RRM1: variants seen among roughly 807,000 people sequenced by gnomAD.
The protein encoded by RRM1 is ribonucleotide reductase catalytic subunit M1, also known as ribonucleoside-diphosphate reductase large subunit.
In RRM1, 19 loss-of-function variants were observed where a neutral mutation model predicts 101.5. That is an observed-to-expected ratio of 0.19 (90% CI 0.13 to 0.27). The LOEUF (loss-of-function observed/expected upper bound fraction) is 0.27, where lower values mean the gene tolerates loss of function less well. Ranked by LOEUF, RRM1 falls within the 10% of genes least tolerant of loss-of-function variation. RRM1 has a pLI of 1.00. For missense variants in RRM1, 500 were observed against 962.9 expected (o/e 0.52, Z 6.36); for synonymous variants, 298 against 323.4 (o/e 0.92, Z 0.84).
intron 12 of RRM1, 98 bp downstream of exon 12, chr11:4,123,482 G>A (rs1016309313): frequency 2.1e-6 from 2 of 965,776 alleles, no homozygotes; most frequent in South Asian, 1.4e-5. Context: ...ATAAGTGAAG[G>A]GAGTTTGCAT....
At position 4,133,646 on chromosome 11, in the gene RRM1, TG is replaced by T; in HGVS notation, c.1991del (p.Gly664AlafsTer13). ...EMKNQIIACN[G>X]SIQSIPEIPD... Reference sequence around the variant, plus strand: ...TGAAAAACCAGATTATTGCATGCAATGGCTCTATTCAGGTATAGAATGAAAA... The same window carrying T: ...TGAAAAACCAGATTATTGCATGCAATGCTCTATTCAGGTATAGAATGAAAA... On this transcript the variant is annotated frameshift_variant, in exon 17 of 19. Transcript: ENST00000300738. LOFTEE classifies it high-confidence loss of function. 6.2e-7 allele frequency: 1 copy of T among 1,602,720 alleles called. No individual in the cohort carries two copies. Among genetic ancestry groups the T allele is most frequent in the Non-Finnish European group, 8.5e-7 (1 of 1,170,102 alleles).
chr11:4,107,315 C>T (rs375641429), intron 3 of RRM1, 120 bp from the exon 4 acceptor site: 4 of 664,808 alleles, frequency 6.0e-6, no homozygotes, highest in African/African-American at 5.4e-5. Flanking sequence ...ATATGCTAGG[C>T]ATTGAGGTGG....
Position 4,101,987 on chromosome 11 carries a change from C to T in RRM1, c.20-6C>T, listed in dbSNP as rs2094552174. 6.6e-7 allele frequency: 1 copy of T among 1,524,992 alleles called. No individual in the cohort carries two copies. Among genetic ancestry groups the T allele is most frequent in the African/African-American group, 1.4e-5 (1 of 72,808 alleles). 94.5% of individuals were successfully genotyped at this position (1,524,992 alleles called of 1,614,324 possible). Reference sequence around the variant, plus strand: ...TAATAATTGCTAACATGATTTGATTCTTTAGATGGCCGCCAAGAACGAGTC... The same window carrying T: ...TAATAATTGCTAACATGATTTGATTTTTTAGATGGCCGCCAAGAACGAGTC... On this transcript the variant is annotated splice_polypyrimidine_tract_variant and splice_region_variant and intron_variant, in intron 1 of 18. Transcript: ENST00000300738.
At chr11:4,135,662 A>T (rs1016541508) in intron 18 of RRM1, among the ~76,000 whole-genome samples, 4 of 152,072 alleles carry the variant, frequency 2.6e-5, no homozygotes, top group Admixed American at 2.0e-4. Context: ...TGTGTGCATT[A>T]CCACCATTCC....
chr11:4,110,941 G>A lies in RRM1; in HGVS notation c.448-660G>A, dbSNP rs914879791. Among the ~76,000 whole-genome samples the A allele has an allele frequency of 6.6e-5, 10 of 152,010 alleles. 1 individual carries two copies. Among genetic ancestry groups the A allele is most frequent in the Admixed American group, 5.9e-4 (9 of 15,260 alleles). On this transcript the variant is annotated intron_variant, in intron 5 of 18. Coordinates refer to ENST00000300738, the MANE Select transcript of RRM1 (RefSeq NM_001033.5). Reference sequence around the variant, plus strand: ...ACGAGTGTATATGTTGCTTAGATCCGTGCCTAGTCTGTTACAGGCGCTTTT... The same window carrying A: ...ACGAGTGTATATGTTGCTTAGATCCATGCCTAGTCTGTTACAGGCGCTTTT...
At chr11:4,136,261 G>A (rs996421507) in intron 18 of RRM1, among the ~76,000 whole-genome samples, 6 of 152,046 alleles carry the variant, frequency 3.9e-5, no homozygotes, top group African/African-American at 1.5e-4. Flanking sequence ...TCACTCTGTT[G>A]CCCCGGCTGG....
chr11:4,106,319 C>T (rs955831484), intron 3 of RRM1, 96 bp downstream of exon 3: 4 of 1,094,808 alleles, frequency 3.7e-6, no homozygotes, highest in Non-Finnish European at 5.3e-6. Flanking sequence ...GCAAATATGG[C>T]TAGATGGGGT....
chr11:4,099,229 G>A (rs1228563931), intron 1 of RRM1: 1 of 150,942 alleles, frequency 6.6e-6, no homozygotes, highest in Non-Finnish European at 1.5e-5. Context: ...TGCAACCTCT[G>A]CTTCCCAGGT....
intron 14 of RRM1, 104 bp downstream of exon 14, chr11:4,127,360 A>G (rs2094591556): frequency 1.6e-6 from 1 of 635,994 alleles, no homozygotes; most frequent in Non-Finnish European, 2.4e-6. Context: ...GGAACCTGTG[A>G]ATTTAATTTC....
At chr11:4,133,959 A>G (rs1467763211) in intron 17 of RRM1, among the ~76,000 whole-genome samples, 2 of 149,512 alleles carry the variant, frequency 1.3e-5, no homozygotes, top group Admixed American at 6.7e-5. Context: ...TTAAATGTCT[A>G]GGAACAGGAA....
intron 18 of RRM1, 123 bp downstream of exon 18, chr11:4,135,393 G>T: frequency 1.4e-6 from 1 of 733,474 alleles, no homozygotes; most frequent in Non-Finnish European, 2.1e-6. Context: ...TTCAAATCCA[G>T]AACGTTAAAA....
In RRM1 at chr11:4,138,349, A is replaced by C. The variant is rs1800704845; in HGVS notation, c.2345A>C (p.Glu782Ala). 2 of 1,610,054 alleles carry C rather than the reference A, an allele frequency of 1.2e-6. No homozygotes were observed. Among genetic ancestry groups the C allele is most frequent in the Non-Finnish European group, 1.7e-6 (2 of 1,178,462 alleles). ...ACAGCAGCCATGGTGTGCTCTTTGG[A>C]GAATAGAGATGAATGTCTGATGTGT... is the stretch of plus-strand genomic sequence containing the variant. Reference protein sequence around the residue: ...RNTAAMVCSLENRDECLMCGS With the variant: ...RNTAAMVCSLANRDECLMCGS Residue 782 changes from glutamate (E) to alanine (A), a missense_variant, in exon 19 of 19, where the codon GAG becomes GCG. By Grantham distance (107) the Glu-to-Ala change is moderately radical (BLOSUM62 -1). This residue lies in a region of RRM1 where 33 missense variants were observed against 40.7 expected (regional missense o/e 0.81). Transcript: ENST00000300738.
chr11:4,108,522 C>G (rs1041832898), intron 4 of RRM1, among the ~76,000 whole-genome samples: 2 of 141,110 alleles, frequency 1.4e-5, no homozygotes, highest in African/African-American at 5.3e-5. Context: ...GGCGTGAACC[C>G]GGGAGGCGGA....
chr11:4,095,077 G>GGCT (rs746180559), intron 1 of RRM1, 46 bp downstream of exon 1: 96 of 1,551,648 alleles, frequency 6.2e-5, no homozygotes, highest in Non-Finnish European at 8.0e-5. Context: ...AGGGGATGCG[G>GGCT]GCTGCCGCCG....
At chr11:4,133,798 T>TCTAGCTC (rs2094604448) in intron 17 of RRM1, 140 bp downstream of exon 17, 3 of 539,606 alleles carry the variant, frequency 5.6e-6, no homozygotes, top group Non-Finnish European at 9.9e-6. Context: ...CACCTCTGCA[T>TCTAGCTC]TGTTGTGCTA....
chr11:4,106,541 G>GT (rs1169254804), intron 3 of RRM1, among the ~76,000 whole-genome samples: 2 of 152,192 alleles, frequency 1.3e-5, no homozygotes, highest in African/African-American at 4.8e-5. Context: ...GAGGTCAGGA[G>GT]TTTGAGACCA....
At chr11:4,112,656 G>A (rs955996298) in intron 7 of RRM1, among the ~76,000 whole-genome samples, 4 of 152,206 alleles carry the variant, frequency 2.6e-5, no homozygotes, top group Non-Finnish European at 5.9e-5. Flanking sequence ...GAGCCACCAC[G>A]CTTGGTGTGA....
At chr11:4,110,815 C>T (rs2094564374) in intron 5 of RRM1, among the ~76,000 whole-genome samples, 1 of 150,992 alleles carries the variant, frequency 6.6e-6, no homozygotes, top group Non-Finnish European at 1.5e-5. Context: ...AGGCACTGCT[C>T]TAAACAACAT....
intron 9 of RRM1, among the ~76,000 whole-genome samples, chr11:4,120,653 A>C (rs1444223036): frequency 6.6e-6 from 1 of 152,180 alleles, no homozygotes. Flanking sequence ...GGTGTTAGCC[A>C]CTGCACCTCG....
Sources: gnomAD v4.1 joint callset for allele counts (sites outside exome capture counted in the v4.1 genomes callset) on GRCh38, gnomAD v4.1.1 for gene constraint, gnomAD v4.1.1 regional missense constraint, MANE v1.5 for transcripts, NCBI Gene and HGNC (gene_info 2026-07-23, HGNC 2026-07-21) for gene names.